The following AK4 variants were observed in gnomAD, a reference collection of about 807,000 sequenced individuals.
AK4 encodes the protein adenylate kinase 4.
In AK4, 13 loss-of-function variants were observed where a neutral mutation model predicts 24.6. That is an observed-to-expected ratio of 0.53 (90% CI 0.34 to 0.84). AK4 has a LOEUF of 0.84. Among genes scored for constraint, AK4 ranks in the 40% least tolerant of loss-of-function variants. The pLI, the probability that AK4 is intolerant of heterozygous loss-of-function variation, is 0.01. For synonymous variants in AK4, 88 were observed against 107.0 expected (o/e 0.82, Z 1.10); for missense variants, 192 against 288.2 (o/e 0.67, Z 2.42).
intron 1 of AK4, among the ~76,000 whole-genome samples, chr1:65,184,107 A>G (rs1044790777): frequency 6.6e-6 from 1 of 152,186 alleles, no homozygotes; most frequent in African/African-American, 2.4e-5. Flanking sequence ...GAAATTGAAA[A>G]TATATATTTC....
chr1:65,198,385 G>A (rs1651551684), intron 2 of AK4, among the ~76,000 whole-genome samples: 1 of 152,136 alleles, frequency 6.6e-6, no homozygotes, highest in African/African-American at 2.4e-5. Context: ...TTGTAGCTCT[G>A]TTCATTCAGT....
At chr1:65,175,427 G>A (rs143043806) in intron 1 of AK4, among the ~76,000 whole-genome samples, 33 of 152,344 alleles carry the variant, frequency 2.2e-4, no homozygotes, top group African/African-American at 7.2e-4. Context: ...TGGCACTGGA[G>A]AATAGCAGCC....
intron 3 of AK4, among the ~76,000 whole-genome samples, chr1:65,224,092 A>G (rs1652380775): frequency 6.6e-6 from 1 of 152,232 alleles, no homozygotes; most frequent in Admixed American, 6.5e-5. Context: ...ACATAGGAAA[A>G]GCTAAAATAA....
At chr1:65,197,489 A>G (rs1473913498) in intron 2 of AK4, among the ~76,000 whole-genome samples, 1 of 152,216 alleles carries the variant, frequency 6.6e-6, no homozygotes, top group Non-Finnish European at 1.5e-5. Flanking sequence ...CATTTTGTCC[A>G]TAGTTGTATT....
chr1:65,221,890 A>G (rs1374714935), intron 3 of AK4, among the ~76,000 whole-genome samples: 1 of 152,198 alleles, frequency 6.6e-6, no homozygotes, highest in Admixed American at 6.5e-5. Flanking sequence ...TGAAGTGGCT[A>G]TGTTGTCTGG....
chr1:65,197,983 T>A (rs976051739), intron 2 of AK4, among the ~76,000 whole-genome samples: 3 of 152,184 alleles, frequency 2.0e-5, no homozygotes, highest in Non-Finnish European at 4.4e-5. Context: ...GAATAAAGTG[T>A]ATAATAGATT....
At chr1:65,216,011 A>G (rs1327564296) in intron 2 of AK4, among the ~76,000 whole-genome samples, 2 of 152,266 alleles carry the variant, frequency 1.3e-5, no homozygotes, top group African/African-American at 4.8e-5. Context: ...TTCAGGTCTT[A>G]GAAGAGGGAT....
chr1:65,190,107 A>G (rs906370763), intron 1 of AK4, among the ~76,000 whole-genome samples: 4 of 152,124 alleles, frequency 2.6e-5, no homozygotes, highest in African/African-American at 4.8e-5. Context: ...TCAGTGCCCA[A>G]TTTGTGGCCT....
chr1:65,189,800 C>T (rs1396530922), intron 1 of AK4, among the ~76,000 whole-genome samples: 2 of 152,170 alleles, frequency 1.3e-5, no homozygotes, highest in Non-Finnish European at 2.9e-5. Context: ...GCAGTTTTCT[C>T]CTGAAAGTAT....
At chr1:65,199,734 G>C (rs1651604506) in intron 2 of AK4, among the ~76,000 whole-genome samples, 1 of 152,160 alleles carries the variant, frequency 6.6e-6, no homozygotes, top group East Asian at 1.9e-4. Context: ...TATCCAGAAT[G>C]CTCGGGACCA....
Position 65,226,279 on chromosome 1 carries a change from G to A in AK4, c.*102G>A, listed in dbSNP as rs1268238333. The stretch of plus-strand genomic sequence containing the variant: ...TAGAAGCTAGCTGAGGTAGCTTGCA[G>A]CATCTTTTCTAGTTGAAATGGTGAA... On this transcript the variant is annotated 3_prime_UTR_variant, in exon 5 of 5. Coordinates refer to ENST00000327299, the MANE Select transcript of AK4 (RefSeq NM_013410.4). 6 of 903,096 alleles carry A rather than the reference G, an allele frequency of 6.6e-6. No individual in the cohort carries two copies. Among genetic ancestry groups the A allele is most frequent in the Non-Finnish European group, 9.9e-6 (6 of 603,228 alleles). 55.9% of individuals were successfully genotyped at this position (903,096 alleles called of 1,614,324 possible).
intron 2 of AK4, among the ~76,000 whole-genome samples, chr1:65,213,128 A>G (rs982152203): frequency 1.3e-5 from 2 of 152,176 alleles, no homozygotes; most frequent in African/African-American, 4.8e-5. Flanking sequence ...CACAGCCTGC[A>G]CGTGCACTAG....
In AK4 at chr1:65,231,348, G is replaced by A. The variant is rs548995765; in HGVS notation, c.*5171G>A. 1 of 152,432 alleles carries A rather than the reference G, an allele frequency of 6.6e-6. No individual in the cohort carries two copies. Among genetic ancestry groups the A allele is most frequent in the South Asian group, 2.1e-4 (1 of 4,842 alleles). The allele number at this position is 152,432 out of a possible 1,614,324, so 9.4% of individuals were successfully genotyped here. A position where few individuals can be genotyped will look rare whatever the true frequency, so the allele number is the denominator to read the frequency against. ...ATTTGATCATTTTTGTGTGTGTGTG[G>A]TGTGTGTGTGAGAGAGAGAGATACT... On this transcript the variant is annotated 3_prime_UTR_variant, in exon 5 of 5. Coordinates refer to ENST00000327299, the MANE Select transcript of AK4 (RefSeq NM_013410.4).
chr1:65,177,198 C>T (rs75091421), intron 1 of AK4, among the ~76,000 whole-genome samples: 2,596 of 151,978 alleles, frequency 0.017, 78 homozygotes, highest in African/African-American at 0.06. Context: ...GTATTGAAGA[C>T]GGGTGTATTC....
chr1:65,183,853 T>C (rs1242067086), intron 1 of AK4, among the ~76,000 whole-genome samples: 1 of 152,340 alleles, frequency 6.6e-6, no homozygotes, highest in Non-Finnish European at 1.5e-5. Context: ...TTGGCATATG[T>C]GCTGCCCTGA....
rs1260511398 is a variant in AK4, at chr1:65,230,824, C to T, written c.*4647C>T. 2.0e-5 allele frequency: 3 copies of T among 152,252 alleles called. No homozygotes were observed. The highest frequency in any genetic ancestry group is 2.1e-4 in the South Asian group (1 of 4,822). 9.4% of individuals were successfully genotyped at this position (152,252 alleles called of 1,614,324 possible). On this transcript the variant is annotated 3_prime_UTR_variant, in exon 5 of 5. Transcript: ENST00000327299. The stretch of plus-strand genomic sequence containing the variant: ...AGTTGCACACTGTATCTACAGAGGG[C>T]GTGTCTCATCTGTACTCTGCTGGGT...
At chr1:65,220,768 G>T (rs1005832122) in intron 3 of AK4, among the ~76,000 whole-genome samples, 1 of 152,204 alleles carries the variant, frequency 6.6e-6, no homozygotes, top group Non-Finnish European at 1.5e-5. Flanking sequence ...GAGCCACTGC[G>T]CATGGCCCTG....
At chr1:65,208,306 A>C (rs1651871564) in intron 2 of AK4, among the ~76,000 whole-genome samples, 1 of 152,226 alleles carries the variant, frequency 6.6e-6, no homozygotes, top group Non-Finnish European at 1.5e-5. Context: ...ACAAATAAAC[A>C]TTGTGTAAAC....
intron 1 of AK4, among the ~76,000 whole-genome samples, chr1:65,183,730 A>G (rs1480472071): frequency 6.6e-6 from 1 of 151,574 alleles, no homozygotes; most frequent in African/African-American, 2.4e-5. Flanking sequence ...TTTTCTAAAG[A>G]AATGTCATCT....
Sources: allele counts gnomAD v4.1 joint callset (sites outside exome capture counted in the v4.1 genomes callset), GRCh38; gene constraint gnomAD v4.1.1; transcripts MANE v1.5; gene names NCBI Gene and HGNC (gene_info 2026-07-23, HGNC 2026-07-21).